The following PCBD2 variants were observed in gnomAD, a reference collection of about 807,000 sequenced individuals.
PCBD2 encodes the protein pterin-4-alpha-carbinolamine dehydratase 2.
In PCBD2, 12 loss-of-function variants were observed where a neutral mutation model predicts 16.4. That is an observed-to-expected ratio of 0.73 (90% CI 0.47 to 1.19). The LOEUF is 1.19. Ranked by LOEUF, PCBD2 falls within the 50% of genes most tolerant of loss-of-function variation. The pLI, the probability that PCBD2 is intolerant of heterozygous loss-of-function variation, is 0.00. For missense variants in PCBD2, 138 were observed against 156.8 expected (o/e 0.88, Z 0.64); for synonymous variants, 58 against 61.8 (o/e 0.94, Z 0.29).
In PCBD2 at chr5:134,957,431, T is replaced by A. The variant is rs7714331; in HGVS notation, c.217-1609T>A. 4.6e-3 allele frequency among the ~76,000 whole-genome samples: 698 copies of A among 152,352 alleles called. 4 individuals carry two copies. The highest frequency in any genetic ancestry group is 0.016 in the African/African-American group (649 of 41,588). The stretch of plus-strand genomic sequence containing the variant: ...TACATCTTCTAATGCTAAACAAGAA[T>A]AAGGCATTATAGGCAGAGTAGAAAT... On this transcript the variant is annotated intron_variant, in intron 2 of 3. Transcript: ENST00000254908.
rs114897282 is a variant in PCBD2, at chr5:134,916,909, C to T, written c.216+6443C>T. Among the ~76,000 whole-genome samples, 1,016 of 152,270 alleles carry T rather than the reference C, an allele frequency of 6.7e-3. 6 individuals carry two copies. Among genetic ancestry groups the T allele is most frequent in the Middle Eastern group, 0.037 (11 of 294 alleles). On this transcript the variant is annotated intron_variant, in intron 2 of 3. Coordinates refer to ENST00000254908, the MANE Select transcript of PCBD2 (RefSeq NM_032151.5). The stretch of plus-strand genomic sequence containing the variant: ...GACAGAGCATGGCAGTGGTGGGACT[C>T]GAGGCAGGGAGTTTCCACACTAGGA...
At chr5:134,920,011 C>T (rs534681144) in intron 2 of PCBD2, among the ~76,000 whole-genome samples, 38 of 152,250 alleles carry the variant, frequency 2.5e-4, no homozygotes, top group Non-Finnish European at 4.1e-4. Flanking sequence ...GGCTGGGTAG[C>T]GGCCAGTTGC....
intron 2 of PCBD2, among the ~76,000 whole-genome samples, chr5:134,939,176 A>G (rs557209853): frequency 3.3e-5 from 5 of 152,296 alleles, no homozygotes; most frequent in African/African-American, 9.6e-5. Flanking sequence ...GAAAACCCCA[A>G]CATGTAACCT....
intron 2 of PCBD2, among the ~76,000 whole-genome samples, chr5:134,956,437 A>G (rs1013542045): frequency 4.6e-5 from 7 of 152,192 alleles, no homozygotes; most frequent in Non-Finnish European, 7.3e-5. Flanking sequence ...CAAAGATTTG[A>G]GGACCACTTC....
intron 2 of PCBD2, among the ~76,000 whole-genome samples, chr5:134,921,897 G>T (rs1333399167): frequency 6.6e-6 from 1 of 152,156 alleles, no homozygotes; most frequent in East Asian, 1.9e-4. Flanking sequence ...GACCAAGTTG[G>T]TCTCTGCTCA....
chr5:134,916,915 A>G (rs1354131674), intron 2 of PCBD2, among the ~76,000 whole-genome samples: 1 of 152,242 alleles, frequency 6.6e-6, no homozygotes, highest in Non-Finnish European at 1.5e-5. Context: ...GACTCGAGGC[A>G]GGGAGTTTCC....
chr5:134,924,890 TAG>T (rs997284540), intron 2 of PCBD2: 13 of 390,090 alleles, frequency 3.3e-5, no homozygotes, highest in Admixed American at 8.9e-5. Context: ...CCGAGTATAT[TAG>T]AGAAGTAAAA....
At chr5:134,918,584 A>G (rs1404116938) in intron 2 of PCBD2, among the ~76,000 whole-genome samples, 3 of 152,252 alleles carry the variant, frequency 2.0e-5, no homozygotes, top group East Asian at 1.9e-4. Context: ...GGCACCAGGT[A>G]AAGTGAAAAC....
chr5:134,928,734 C>T (rs1751053450), intron 2 of PCBD2, among the ~76,000 whole-genome samples: 1 of 152,136 alleles, frequency 6.6e-6, no homozygotes, highest in Admixed American at 6.5e-5. Flanking sequence ...ACTTGGGAGG[C>T]TGAGGCAGGA....
chr5:134,936,817 A>G (rs934316719), intron 2 of PCBD2, among the ~76,000 whole-genome samples: 11 of 152,208 alleles, frequency 7.2e-5, no homozygotes, highest in Non-Finnish European at 1.2e-4. Flanking sequence ...GTTGATTTTG[A>G]GAATAGAAGA....
Position 134,961,871 on chromosome 5 carries a change from C to T in PCBD2, c.*1190C>T, listed in dbSNP as rs1751481888. ...TAACCTCCTGGGCTCAAGCAGTTCTCCCTCCTCAGCCTCCAGAGTAGCTGG... is the reference window on the plus strand; with the variant it reads ...TAACCTCCTGGGCTCAAGCAGTTCTTCCTCCTCAGCCTCCAGAGTAGCTGG... On this transcript the variant is annotated 3_prime_UTR_variant, in exon 4 of 4. Transcript: ENST00000254908. 6.6e-6 allele frequency among the ~76,000 whole-genome samples: 1 copy of T among 151,964 alleles called. No homozygotes were observed. The highest frequency in any genetic ancestry group is 1.5e-5 in the Non-Finnish European group (1 of 68,006).
At chr5:134,925,717 T>C (rs573229079) in intron 2 of PCBD2, 33 of 396,416 alleles carry the variant, frequency 8.3e-5, no homozygotes, top group African/African-American at 6.6e-4. Flanking sequence ...AGTGCTTGAG[T>C]GGAGTAGGGC....
At chr5:134,957,896 C>G (rs1167847813) in intron 2 of PCBD2, among the ~76,000 whole-genome samples, 1 of 152,056 alleles carries the variant, frequency 6.6e-6, no homozygotes, top group East Asian at 1.9e-4. Context: ...ACTTTTATCC[C>G]AAATAAAATT....
chr5:134,953,731 G>A (rs563949815), intron 2 of PCBD2, among the ~76,000 whole-genome samples: 11 of 152,132 alleles, frequency 7.2e-5, no homozygotes, highest in Non-Finnish European at 1.5e-4. Context: ...AACCTGGGAG[G>A]CGGAGGTTGC....
chr5:134,924,431 G>A (rs565626260), intron 2 of PCBD2: 3 of 397,000 alleles, frequency 7.6e-6, no homozygotes, highest in African/African-American at 6.2e-5. Flanking sequence ...TAGGATTAGT[G>A]TTATGGGTGA....
At position 134,944,543 on chromosome 5, in the gene PCBD2, A is replaced by C. The variant is rs112027744; in HGVS notation, c.217-14497A>C. Among the ~76,000 whole-genome samples, 731 of 151,954 alleles carry C rather than the reference A, an allele frequency of 4.8e-3. 6 individuals carry two copies. The highest frequency in any genetic ancestry group is 0.017 in the African/African-American group (691 of 41,434). On this transcript the variant is annotated intron_variant, in intron 2 of 3. Coordinates refer to ENST00000254908, the MANE Select transcript of PCBD2 (RefSeq NM_032151.5). Reference sequence around the variant, plus strand: ...CTCTTCAGTGACATTAAAAAAAAAAACACAACAACCCAAAAACAACAACCA... The same window carrying C: ...CTCTTCAGTGACATTAAAAAAAAAACCACAACAACCCAAAAACAACAACCA...
At chr5:134,914,220 G>A (rs1750800996) in intron 2 of PCBD2, among the ~76,000 whole-genome samples, 1 of 152,132 alleles carries the variant, frequency 6.6e-6, no homozygotes, top group African/African-American at 2.4e-5. Flanking sequence ...GGGAAAAAGA[G>A]GGCCATTCTC....
intron 2 of PCBD2, among the ~76,000 whole-genome samples, chr5:134,935,029 A>G (rs1751143020): frequency 6.6e-6 from 1 of 152,212 alleles, no homozygotes; most frequent in Non-Finnish European, 1.5e-5. Flanking sequence ...CATTAAGTTG[A>G]TTTGTTCAAT....
rs112046824 is a variant in PCBD2, at chr5:134,953,363, G to A, written c.217-5677G>A. Among the ~76,000 whole-genome samples the A allele has an allele frequency of 4.6e-4, 68 of 148,098 alleles. 1 individual carries two copies. The highest frequency in any genetic ancestry group is 1.7e-3 in the African/African-American group (67 of 40,592). On this transcript the variant is annotated intron_variant, in intron 2 of 3. Transcript: ENST00000254908. ...GGTATATAACTTGATAGTACCTTATGGATAATATAGTATATCGTATATATA... is the reference window on the plus strand; with the variant it reads ...GGTATATAACTTGATAGTACCTTATAGATAATATAGTATATCGTATATATA...
Sources: allele counts gnomAD v4.1 joint callset (sites outside exome capture counted in the v4.1 genomes callset), GRCh38; gene constraint gnomAD v4.1.1; transcripts MANE v1.5; gene names NCBI Gene and HGNC (gene_info 2026-07-23, HGNC 2026-07-21).